Variants in MYO1D observed in about 807,000 individuals in gnomAD.
The protein encoded by MYO1D is unconventional myosin-Id.
Under a neutral mutation model 122.0 loss-of-function variants are expected in MYO1D, and 83 were observed. That is an observed-to-expected ratio of 0.68 (90% CI 0.57 to 0.82). The LOEUF (loss-of-function observed/expected upper bound fraction) is 0.82, where lower values mean the gene tolerates loss of function less well. Ranked by LOEUF, MYO1D falls within the 40% of genes least tolerant of loss-of-function variation. The pLI is 0.00. For missense variants in MYO1D, 1,157 were observed against 1,269.5 expected, an observed-to-expected ratio of 0.91 and a Z score of 1.35; for synonymous variants, 464 against 446.9, an observed-to-expected ratio of 1.04 and a Z score of -0.48.
At chr17:32,556,275 T>A (rs139999193) in intron 21 of MYO1D, among the ~76,000 whole-genome samples, 219 of 152,336 alleles carry the variant, frequency 1.4e-3, no homozygotes, top group South Asian at 4.1e-3. Context: ...CTTAATGCAG[T>A]TCTTTCTTTA....
rs116879676 is a variant in MYO1D at position 32,793,118 on chromosome 17, T to C, written c.96-12334A>G. On this transcript the variant is annotated intron_variant, in intron 1 of 21. Transcript: ENST00000318217. ...CACACTGAAGCCTAGAATTGACAAC[T>C]TGGAAGAGGGCACTTAAGAAGCACC... Among the ~76,000 whole-genome samples, 138 of 152,010 alleles carry C rather than the reference T, an allele frequency of 9.1e-4. No individual in the cohort carries two copies. In the East Asian group the frequency reaches 0.019, roughly 20 times the overall value.
At chr17:32,844,366 A>G (rs2090915091) in intron 1 of MYO1D, among the ~76,000 whole-genome samples, 1 of 147,012 alleles carries the variant, frequency 6.8e-6, no homozygotes, top group South Asian at 2.1e-4. Context: ...TATATATTAT[A>G]TATAGTATAT....
intron 1 of MYO1D, among the ~76,000 whole-genome samples, chr17:32,811,261 C>G (rs1415713761): frequency 6.6e-6 from 1 of 152,230 alleles, no homozygotes; most frequent in Non-Finnish European, 1.5e-5. Flanking sequence ...AAACATAACT[C>G]AAGTAAACCT....
intron 20 of MYO1D, among the ~76,000 whole-genome samples, chr17:32,606,428 G>A (rs905140141): frequency 3.9e-5 from 6 of 152,232 alleles, no homozygotes; most frequent in Middle Eastern, 3.4e-3. Flanking sequence ...TCATCAACAC[G>A]GATGTAAAAA....
In MYO1D at chr17:32,787,506, C is replaced by T. The variant is rs977726488; in HGVS notation, c.96-6722G>A. 5.3e-5 allele frequency among the ~76,000 whole-genome samples: 8 copies of T among 152,002 alleles called. No individual in the cohort carries two copies. The East Asian group carries it at 1.4e-3, about 26-fold the overall frequency. On this transcript the variant is annotated intron_variant, in intron 1 of 21. Coordinates refer to ENST00000318217, the MANE Select transcript of MYO1D (RefSeq NM_015194.3). ...TGATCTTGGCTCACTGCAACCTCCA[C>T]CTCCTGGGTTCAAGCGATTCTCCTG...
At chr17:32,568,577 A>G (rs1027733838) in intron 21 of MYO1D, among the ~76,000 whole-genome samples, 5 of 152,096 alleles carry the variant, frequency 3.3e-5, no homozygotes, top group African/African-American at 1.2e-4. Context: ...TATCTGGGAC[A>G]CTCTTGAGAG....
chr17:32,857,774 T>C (rs945423323), intron 1 of MYO1D, among the ~76,000 whole-genome samples: 2 of 152,166 alleles, frequency 1.3e-5, no homozygotes, highest in African/African-American at 2.4e-5. Context: ...AATAAAGGCC[T>C]TCCTTAACCA....
chr17:32,569,672 T>C (rs554352273), intron 21 of MYO1D, among the ~76,000 whole-genome samples: 4 of 152,320 alleles, frequency 2.6e-5, no homozygotes, highest in South Asian at 2.1e-4. Flanking sequence ...AGATGAGCAA[T>C]GATTGGTAAC....
At chr17:32,833,602 G>C (rs2090792436) in intron 1 of MYO1D, among the ~76,000 whole-genome samples, 2 of 152,304 alleles carry the variant, frequency 1.3e-5, no homozygotes, top group Admixed American at 1.3e-4. Flanking sequence ...AAAATGTCAA[G>C]TCTTTCTATC....
chr17:32,538,687 GAATC>G (rs1447510572), intron 21 of MYO1D, among the ~76,000 whole-genome samples: 1 of 151,978 alleles, frequency 6.6e-6, no homozygotes, highest in African/African-American at 2.4e-5. Flanking sequence ...CAAAGACATG[GAATC>G]AACCCAAATG....
intron 1 of MYO1D, among the ~76,000 whole-genome samples, chr17:32,846,455 G>A (rs182797686): frequency 6.6e-6 from 1 of 152,150 alleles, no homozygotes; most frequent in South Asian, 2.1e-4. Context: ...ATGTGTACAG[G>A]TGAGTATCTA....
intron 21 of MYO1D, among the ~76,000 whole-genome samples, chr17:32,582,264 T>A (rs983357830): frequency 2.6e-5 from 4 of 152,236 alleles, no homozygotes; most frequent in African/African-American, 9.6e-5. Context: ...TTGAGACTTT[T>A]AAAATCTACG....
intron 1 of MYO1D, among the ~76,000 whole-genome samples, chr17:32,848,736 C>T (rs1000174953): frequency 3.9e-5 from 6 of 152,114 alleles, no homozygotes; most frequent in Non-Finnish European, 8.8e-5. Context: ...TTACTGGTGC[C>T]GTTGCTACCT....
chr17:32,495,493 A>C (rs1909060731), intron 21 of MYO1D: 1 of 152,326 alleles, frequency 6.6e-6, no homozygotes. Flanking sequence ...CGGGGGCTGC[A>C]GGGAACCCTG....
chr17:32,525,853 G>A (rs879708666), intron 21 of MYO1D, among the ~76,000 whole-genome samples: 17 of 152,114 alleles, frequency 1.1e-4, no homozygotes, highest in Non-Finnish European at 1.8e-4. Context: ...CACTCAGCCC[G>A]AGGAGAAACT....
At chr17:32,664,274 C>T (rs542458951) in intron 16 of MYO1D, among the ~76,000 whole-genome samples, 1 of 152,198 alleles carries the variant, frequency 6.6e-6, no homozygotes, top group Admixed American at 6.5e-5. Flanking sequence ...GTTTTCCCAC[C>T]AAGGGTCTGC....
intron 21 of MYO1D, among the ~76,000 whole-genome samples, chr17:32,551,641 A>T (rs1420818922): frequency 6.6e-6 from 1 of 151,994 alleles, no homozygotes; most frequent in Non-Finnish European, 1.5e-5. Context: ...TCTCACCTTC[A>T]TAATTATGTT....
intron 1 of MYO1D, among the ~76,000 whole-genome samples, chr17:32,843,623 G>A (rs1166221547): frequency 6.6e-6 from 1 of 152,138 alleles, no homozygotes; most frequent in Non-Finnish European, 1.5e-5. Context: ...AAATAAAGGA[G>A]GCAAGAATGG....
At chr17:32,817,028 G>T (rs2090618557) in intron 1 of MYO1D, among the ~76,000 whole-genome samples, 1 of 152,106 alleles carries the variant, frequency 6.6e-6, no homozygotes, top group East Asian at 1.9e-4. Context: ...TCTATTTAAT[G>T]AGGTACTAGA....
Sources: gnomAD v4.1 joint callset for allele counts (sites outside exome capture counted in the v4.1 genomes callset) on GRCh38, gnomAD v4.1.1 for gene constraint, MANE v1.5 for transcripts, NCBI Gene and HGNC (gene_info 2026-07-23, HGNC 2026-07-21) for gene names.